Variants in GPATCH2L observed in about 807,000 individuals in gnomAD.
GPATCH2L encodes G patch domain-containing protein 2-like.
A neutral mutation model predicts 57.4 loss-of-function variants in GPATCH2L; 31 were observed. The observed-to-expected ratio is 0.54, with a 90% confidence interval of 0.41 to 0.73. The LOEUF is 0.73. Ranked by LOEUF, GPATCH2L falls within the 30% of genes least tolerant of loss-of-function variation. The probability of loss-of-function intolerance (pLI) is 0.00; values close to 1 mark genes in which losing one functional copy is unlikely to be tolerated. For synonymous variants in GPATCH2L, 199 were observed against 210.7 expected (o/e 0.94, Z 0.48); for missense variants, 481 against 599.9 (o/e 0.80, Z 2.07).
chr14:76,210,663 G>A lies in GPATCH2L; in HGVS notation c.*8812G>A, dbSNP rs1480980377. 2 of 152,162 alleles carry A rather than the reference G, an allele frequency of 1.3e-5. No homozygotes were observed. Among genetic ancestry groups the A allele is most frequent in the African/African-American group, 4.8e-5 (2 of 41,444 alleles). The allele number at this position is 152,162 out of a possible 1,614,324, so 9.4% of individuals were successfully genotyped here. A position where few individuals can be genotyped will look rare whatever the true frequency, so the allele number is the denominator to read the frequency against. Reference sequence around the variant, plus strand: ...ATTTTGCAGATCTTGCAAACCTGTGGCAATAAGAAGGTATTATCCTTTCTG... The same window carrying A: ...ATTTTGCAGATCTTGCAAACCTGTGACAATAAGAAGGTATTATCCTTTCTG... On this transcript the variant is annotated 3_prime_UTR_variant, in exon 10 of 10. Transcript: ENST00000261530.
chr14:76,165,587 TA>T (rs547416822), intron 2 of GPATCH2L, among the ~76,000 whole-genome samples: 263 of 144,992 alleles, frequency 1.8e-3, no homozygotes, highest in Admixed American at 1.9e-3. Context: ...TCCCAGAACT[TA>T]AAAAAAAAAA....
rs1486643480 is a variant in GPATCH2L, at chr14:76,154,210, T to C, written c.-10-144T>C. 6 of 623,486 alleles carry C rather than the reference T, an allele frequency of 9.6e-6. No homozygotes were observed. Among genetic ancestry groups the C allele is most frequent in the Non-Finnish European group, 1.1e-5 (4 of 365,210 alleles). 38.6% of individuals were successfully genotyped at this position (623,486 alleles called of 1,614,324 possible). ...AATCTAAGTGTAGCCAGATGAAAGG[T>C]GACTTATTTTGTTTAGACAGGCAGA... On this transcript the variant is annotated intron_variant, in intron 1 of 9. Coordinates refer to ENST00000261530, the MANE Select transcript of GPATCH2L (RefSeq NM_017926.4). This position sits in a 1 kb window ranked among gnomAD's most constrained non-coding sequence, Gnocchi z 4.4.
rs1391600883 is a variant in GPATCH2L, at chr14:76,178,060, T to C, written c.1107+18T>C. On this transcript the variant is annotated intron_variant, in intron 7 of 9. Transcript: ENST00000261530. ...CACATGAGGTAAGGTTTCCTCTTTC[T>C]TGTTATTTTGATTTTCTTGGAGAAC... The C allele has an allele frequency of 6.3e-7, 1 of 1,581,412 alleles. No individual in the cohort carries two copies. Among genetic ancestry groups the C allele is most frequent in the Non-Finnish European group, 8.7e-7 (1 of 1,153,354 alleles).
At chr14:76,158,462 A>C (rs1480502830) in intron 2 of GPATCH2L, among the ~76,000 whole-genome samples, 1 of 152,218 alleles carries the variant, frequency 6.6e-6, no homozygotes, top group Middle Eastern at 3.2e-3. Flanking sequence ...CTCTTTAATT[A>C]TGAGTGTGCT....
rs1397350141 is a variant in GPATCH2L, at chr14:76,208,744, A to G, written c.*6893A>G. The G allele has an allele frequency of 6.6e-6, 1 of 152,334 alleles. No individual in the cohort carries two copies. Among genetic ancestry groups the G allele is most frequent in the African/African-American group, 2.4e-5 (1 of 41,426 alleles). The allele number at this position is 152,334 out of a possible 1,614,324, so 9.4% of individuals were successfully genotyped here. A position where few individuals can be genotyped will look rare whatever the true frequency, so the allele number is the denominator to read the frequency against. ...TGTTCAGATACTCCTTCCTTCAAAC[A>G]AAAGACCTTTCCTCAACCCTTTGAA... On this transcript the variant is annotated 3_prime_UTR_variant, in exon 10 of 10. Transcript: ENST00000261530.
At chr14:76,221,423 A>T (rs1360877763) in intron 1 of GPATCH2L, among the ~76,000 whole-genome samples, 2 of 152,228 alleles carry the variant, frequency 1.3e-5, no homozygotes, top group Non-Finnish European at 2.9e-5. Context: ...CACAGCTATG[A>T]TGAAAGACGG....
chr14:76,222,811 C>G (rs1055674854), intron 1 of GPATCH2L, among the ~76,000 whole-genome samples: 1 of 151,954 alleles, frequency 6.6e-6, no homozygotes, highest in Non-Finnish European at 1.5e-5. Context: ...CAAAAATTAG[C>G]TGGTCGTGGT....
intron 3 of GPATCH2L, among the ~76,000 whole-genome samples, chr14:76,168,705 A>G (rs982751898): frequency 6.6e-6 from 1 of 152,252 alleles, no homozygotes; most frequent in African/African-American, 2.4e-5. Flanking sequence ...AAAGCAAGTC[A>G]TATGACCAAG....
At chr14:76,233,114 A>G (rs1299545324) in intron 2 of GPATCH2L, among the ~76,000 whole-genome samples, 2 of 152,234 alleles carry the variant, frequency 1.3e-5, no homozygotes, top group East Asian at 3.8e-4. Flanking sequence ...TATGACAAAT[A>G]TCTTTGTGCA....
At chr14:76,183,233 T>C (rs979749988) in intron 8 of GPATCH2L, among the ~76,000 whole-genome samples, 23 of 152,256 alleles carry the variant, frequency 1.5e-4, no homozygotes, top group African/African-American at 5.5e-4. Context: ...TGGCTGAACT[T>C]GGAAACCTGA....
At chr14:76,185,513 G>A (rs1047270198) in intron 8 of GPATCH2L, among the ~76,000 whole-genome samples, 2 of 152,168 alleles carry the variant, frequency 1.3e-5, no homozygotes, top group Non-Finnish European at 2.9e-5. Flanking sequence ...GCATCTATGT[G>A]ATTCATCAAT....
Position 76,202,948 on chromosome 14 carries a change from A to G in GPATCH2L, c.*1097A>G, listed in dbSNP as rs575879039. ...GAAAATATTATCAGGAGTGTCTGTC[A>G]TTCATTCAGGGGCCTAGCTGACAGA... On this transcript the variant is annotated 3_prime_UTR_variant, in exon 10 of 10. Transcript: ENST00000261530. 6.6e-6 allele frequency: 1 copy of G among 152,336 alleles called. No individual in the cohort carries two copies. Among genetic ancestry groups the G allele is most frequent in the South Asian group, 2.1e-4 (1 of 4,822 alleles). The allele number at this position is 152,336 out of a possible 1,614,324, so 9.4% of individuals were successfully genotyped here.
intron 2 of GPATCH2L, among the ~76,000 whole-genome samples, chr14:76,159,816 G>A (rs1386683445): frequency 6.6e-6 from 1 of 152,114 alleles, no homozygotes; most frequent in Non-Finnish European, 1.5e-5. Context: ...TATTCTGGGA[G>A]TTAGAGCCAC....
At chr14:76,199,294 A>T (rs1230909439) in intron 9 of GPATCH2L, among the ~76,000 whole-genome samples, 1 of 152,022 alleles carries the variant, frequency 6.6e-6, no homozygotes, top group African/African-American at 2.4e-5. Flanking sequence ...TGTTTTTTTC[A>T]AGTAGTTTTA....
At position 76,210,613 on chromosome 14, in the gene GPATCH2L, CCA is replaced by C. The variant is rs1198796492; in HGVS notation, c.*8763_*8764del. 2 of 152,128 alleles carry C rather than the reference CCA, an allele frequency of 1.3e-5. No individual in the cohort carries two copies. The highest frequency in any genetic ancestry group is 3.8e-4 in the East Asian group (2 of 5,196). 9.4% of individuals were successfully genotyped at this position (152,128 alleles called of 1,614,324 possible). On this transcript the variant is annotated 3_prime_UTR_variant, in exon 10 of 10. Coordinates refer to ENST00000261530, the MANE Select transcript of GPATCH2L (RefSeq NM_017926.4). ...AACCTAGTTTTGTTCTTGAGAGTGA[CCA>C]GAGCAAGAGAAAAGTCAATGAAATT...
At chr14:76,215,015 T>C (rs2040480379), downstream of GPATCH2L, among the ~76,000 whole-genome samples, 1 of 152,032 alleles carries the variant, frequency 6.6e-6, no homozygotes, top group Non-Finnish European at 1.5e-5. Context: ...TCTTTTACTT[T>C]TGAAGTTAGT....
In GPATCH2L at chr14:76,154,949, A is replaced by C. The variant is rs774855958; in HGVS notation, c.586A>C (p.Lys196Gln). 1.2e-6 allele frequency: 2 copies of C among 1,614,108 alleles called. No individual in the cohort carries two copies. Among genetic ancestry groups the C allele is most frequent in the Admixed American group, 3.3e-5 (2 of 60,024 alleles). The change falls in exon 2 of 10, where the codon AAA (lysine) becomes CAA (glutamine). Residue 196 changes from lysine to glutamine, a missense_variant. Around this residue, in one of 3 missense-constraint regions of GPATCH2L, gnomAD observed 208 missense variants for 272.4 expected, o/e 0.76. Transcript: ENST00000261530. The surrounding 1 kb of genome is among the most constrained non-coding windows in gnomAD (Gnocchi z 4.4). Reference sequence around the variant, plus strand: ...AGCAGAAAATAGGACTTTCCTAAGCAAAACAGGAAGGAAAGAAAGGATGGA... The same window carrying C: ...AGCAGAAAATAGGACTTTCCTAAGCCAAACAGGAAGGAAAGAAAGGATGGA... ...ESAENRTFLSKTGRKERMECE... is the reference protein window; with the variant it reads ...ESAENRTFLSQTGRKERMECE...
intron 1 of GPATCH2L, among the ~76,000 whole-genome samples, chr14:76,227,287 CTACACGA>C (rs749673858): frequency 4.1e-4 from 63 of 152,308 alleles, no homozygotes; most frequent in Non-Finnish European, 5.3e-4. Flanking sequence ...ACTCACCCTC[CTACACGA>C]TATCACTGGT....
chr14:76,163,387 A>T (rs1429819249), intron 2 of GPATCH2L, among the ~76,000 whole-genome samples: 1 of 152,222 alleles, frequency 6.6e-6, no homozygotes, highest in Non-Finnish European at 1.5e-5. Flanking sequence ...GAATAAACTC[A>T]GTTCAAGTAT....
Sources: allele counts gnomAD v4.1 joint callset (sites outside exome capture counted in the v4.1 genomes callset), GRCh38; gene constraint gnomAD v4.1.1; regional missense constraint gnomAD v4.1.1; non-coding constraint Gnocchi (gnomAD v3.1); transcripts MANE v1.5; gene names NCBI Gene and HGNC (gene_info 2026-07-23, HGNC 2026-07-21).